Variants in CAPN3 observed in about 807,000 individuals in gnomAD.
CAPN3 encodes the protein calpain 3, also known as calpain-3.
CAPN3 carries 88 observed loss-of-function variants against 114.0 expected under a neutral mutation model. That is an observed-to-expected ratio of 0.77 (90% CI 0.65 to 0.92). CAPN3 has a LOEUF of 0.92. Ranked by LOEUF, CAPN3 falls within the 40% of genes least tolerant of loss-of-function variation. The probability of loss-of-function intolerance (pLI) is 0.00; values close to 1 mark genes in which losing one functional copy is unlikely to be tolerated. For synonymous variants in CAPN3, 386 were observed against 382.9 expected (o/e 1.01, Z -0.09); for missense variants, 1,028 against 1,069.0 (o/e 0.96, Z 0.53).
At chr15:42,393,900 G>T (rs2053622332) in intron 7 of CAPN3, among the ~76,000 whole-genome samples, 1 of 152,048 alleles carries the variant, frequency 6.6e-6, no homozygotes, top group African/African-American at 2.4e-5. Context: ...GCCAGCAGGG[G>T]CCTTTTTTCT....
intron 1 of CAPN3, among the ~76,000 whole-genome samples, chr15:42,370,190 A>G (rs192355653): frequency 7.9e-5 from 12 of 152,124 alleles, no homozygotes; most frequent in East Asian, 7.7e-4. Context: ...AGCACTTTCA[A>G]GTTGGAAGCT....
intron 1 of CAPN3, among the ~76,000 whole-genome samples, chr15:42,361,525 A>G (rs1229127436): frequency 6.6e-6 from 1 of 152,138 alleles, no homozygotes; most frequent in Admixed American, 6.5e-5. Flanking sequence ...ACAACCCTGT[A>G]TATTCCATAG....
intron 1 of CAPN3, among the ~76,000 whole-genome samples, chr15:42,378,037 G>A (rs778326724): frequency 1.3e-5 from 2 of 152,154 alleles, no homozygotes; most frequent in East Asian, 1.9e-4. Context: ...ACCCCAGCTC[G>A]TGCGACGGAT....
At chr15:42,373,439 G>A (rs746351547) in intron 1 of CAPN3, among the ~76,000 whole-genome samples, 1 of 152,216 alleles carries the variant, frequency 6.6e-6, no homozygotes, top group Non-Finnish European at 1.5e-5. Flanking sequence ...CAGACAGGGA[G>A]ACTGGGTGTC....
At chr15:42,389,203 T>G in intron 5 of CAPN3, 107 bp downstream of exon 5, 3 of 1,078,178 alleles carry the variant, frequency 2.8e-6, no homozygotes, top group Non-Finnish European at 4.1e-6. Flanking sequence ...GCGAATGTTT[T>G]GTTTGAGGAA....
At chr15:42,408,755 G>A in intron 16 of CAPN3, 1 of 338,808 alleles carries the variant, frequency 3.0e-6, no homozygotes, top group South Asian at 2.4e-5. Flanking sequence ...GTGTTAGATT[G>A]GAGTGGGAGC....
chr15:42,403,070 C>A, intron 13 of CAPN3, 68 bp downstream of exon 13: 2 of 1,328,396 alleles, frequency 1.5e-6, no homozygotes, highest in Non-Finnish European at 2.2e-6. Context: ...AGGTTGAAGG[C>A]ATGAGGCAGC....
intron 1 of CAPN3, among the ~76,000 whole-genome samples, chr15:42,364,615 G>A (rs1391137227): frequency 2.0e-5 from 3 of 152,184 alleles, no homozygotes; most frequent in African/African-American, 7.2e-5. Context: ...GTCCTTTAGG[G>A]CAATTCTAGT....
At position 42,403,017 on chromosome 15, in the gene CAPN3, A is replaced by G; in HGVS notation, c.1745+15A>G. 1 of 1,610,326 alleles carries G rather than the reference A, an allele frequency of 6.2e-7. No homozygotes were observed. The highest frequency in any genetic ancestry group is 8.5e-7 in the Non-Finnish European group (1 of 1,176,668). On this transcript the variant is annotated intron_variant, in intron 13 of 23. Transcript: ENST00000397163. ...AACCTCTCTGAGTGAGTGCTGGCCCAGCTTTCCCACGTGTTTCTAAAAGCT... is the reference window on the plus strand; with the variant it reads ...AACCTCTCTGAGTGAGTGCTGGCCCGGCTTTCCCACGTGTTTCTAAAAGCT...
intron 13 of CAPN3, 99 bp from the exon 14 acceptor site, chr15:42,403,642 G>A: frequency 1.8e-6 from 2 of 1,138,648 alleles, no homozygotes; most frequent in South Asian, 2.5e-5. Flanking sequence ...GCTGGTTCTG[G>A]CTTGGCTGCC....
chr15:42,408,825 T>C (rs1351437719), intron 16 of CAPN3: 6 of 281,130 alleles, frequency 2.1e-5, no homozygotes, highest in Non-Finnish European at 4.1e-5. Context: ...CCCTCTTCTA[T>C]CCGGGGGCCC....
chr15:42,362,261 T>A (rs776475200), intron 1 of CAPN3, among the ~76,000 whole-genome samples: 1 of 152,112 alleles, frequency 6.6e-6, no homozygotes, highest in African/African-American at 2.4e-5. Context: ...AAAAAAAGTT[T>A]AAAAAAATAA....
rs28364526 is a variant in CAPN3, at chr15:42,407,923, G to C, written c.1801-288G>C. Among the ~76,000 whole-genome samples, 7,822 of 152,092 alleles carry C rather than the reference G, an allele frequency of 0.051. 613 individuals carry two copies. Among genetic ancestry groups the C allele is most frequent in the African/African-American group, 0.16 (6,834 of 41,452 alleles). ...AAAAAAAAAAGTCTACAAAATACTTGACAATCACTGCACTAGATCATGCTG... is the reference window on the plus strand; with the variant it reads ...AAAAAAAAAAGTCTACAAAATACTTCACAATCACTGCACTAGATCATGCTG... On this transcript the variant is annotated intron_variant, in intron 15 of 23. Transcript: ENST00000397163.
At chr15:42,391,278 C>T (rs1411555275) in intron 6 of CAPN3, among the ~76,000 whole-genome samples, 2 of 151,944 alleles carry the variant, frequency 1.3e-5, no homozygotes, top group Non-Finnish European at 2.9e-5. Context: ...AACGAACATC[C>T]CAATAGATAC....
chr15:42,399,512 T>C lies in CAPN3; in HGVS notation c.1214T>C (p.Ile405Thr), dbSNP rs1375491241. The C allele has an allele frequency of 3.1e-6, 5 of 1,613,902 alleles. No homozygotes were observed. Among genetic ancestry groups the C allele is most frequent in the Non-Finnish European group, 4.2e-6 (5 of 1,179,790 alleles). ...GEFWMSYEDF[I>T]YHFTKLEICN... Reference sequence around the variant, plus strand: ...CTCAGGATGTCCTATGAGGATTTCATCTACCATTTCACAAAGTTGGAGATC... The same window carrying C: ...CTCAGGATGTCCTATGAGGATTTCACCTACCATTTCACAAAGTTGGAGATC... The change falls in exon 10 of 24, where the codon ATC (isoleucine) becomes ACC (threonine). Residue 405 changes from isoleucine (I) to threonine (T), a missense_variant. Ile to Thr is a moderately conservative substitution (Grantham distance 89, BLOSUM62 -1). Coordinates refer to ENST00000397163, the MANE Select transcript of CAPN3 (RefSeq NM_000070.3).
chr15:42,384,697 G>A lies in CAPN3; in HGVS notation c.379+145G>A, dbSNP rs575474159. ...TTTTTATAACAGTTGCTTTATGGTC[G>A]TTTATCTACATGCTGGCGATTGCTT... is the stretch of plus-strand genomic sequence containing the variant. On this transcript the variant is annotated intron_variant, in intron 2 of 23. Transcript: ENST00000397163. The A allele has an allele frequency of 1.9e-4, 133 of 703,306 alleles. 1 individual carries two copies. The highest frequency in any genetic ancestry group is 1.7e-3 in the South Asian group (117 of 67,348). 43.6% of individuals were successfully genotyped at this position (703,306 alleles called of 1,614,324 possible).
chr15:42,397,812 A>G (rs534233997), intron 9 of CAPN3, among the ~76,000 whole-genome samples: 4 of 152,096 alleles, frequency 2.6e-5, no homozygotes, highest in Non-Finnish European at 5.9e-5. Context: ...TGGCCTCCCA[A>G]AATGCTGGCA....
chr15:42,375,445 G>T (rs144501202), intron 1 of CAPN3, among the ~76,000 whole-genome samples: 1 of 151,764 alleles, frequency 6.6e-6, no homozygotes, highest in Non-Finnish European at 1.5e-5. Flanking sequence ...AACTTGAGTG[G>T]GTGAAAGTGC....
chr15:42,367,096 T>C (rs1046648037), intron 1 of CAPN3, among the ~76,000 whole-genome samples: 2 of 152,148 alleles, frequency 1.3e-5, no homozygotes, highest in African/African-American at 4.8e-5. Context: ...CCTCCCAAAG[T>C]GCTGGGATTA....
Sources: gnomAD v4.1 joint callset for allele counts (sites outside exome capture counted in the v4.1 genomes callset) on GRCh38, gnomAD v4.1.1 for gene constraint, MANE v1.5 for transcripts, NCBI Gene and HGNC (gene_info 2026-07-23, HGNC 2026-07-21) for gene names.